The following DOCK5 variants were observed in gnomAD, a reference collection of about 807,000 sequenced individuals.
DOCK5 encodes dedicator of cytokinesis 5.
Under a neutral mutation model 251.8 loss-of-function variants are expected in DOCK5, and 142 were observed. The observed-to-expected ratio is 0.56, with a 90% CI of 0.49 to 0.65. DOCK5 has a LOEUF of 0.65. DOCK5 is among the 30% of genes least tolerant of loss of function. The pLI, the probability that DOCK5 is intolerant of heterozygous loss-of-function variation, is 0.00. For missense variants in DOCK5, 2,111 were observed against 2,312.3 expected (o/e 0.91, Z 1.79); for synonymous variants, 842 against 835.5 (o/e 1.01, Z -0.13).
intron 13 of DOCK5, among the ~76,000 whole-genome samples, chr8:25,313,825 G>T (rs939645713): frequency 1.3e-5 from 2 of 152,138 alleles, no homozygotes; most frequent in Non-Finnish European, 2.9e-5. Context: ...CCACCTATAT[G>T]ACCTCATTTT....
intron 1 of DOCK5, among the ~76,000 whole-genome samples, chr8:25,194,107 G>A (rs1219775112): frequency 1.4e-5 from 2 of 140,070 alleles, no homozygotes; most frequent in Admixed American, 7.7e-5. Flanking sequence ...CCAACATGGC[G>A]AAACCCTATC....
chr8:25,287,405 G>A (rs1443607627), intron 5 of DOCK5, among the ~76,000 whole-genome samples: 1 of 152,008 alleles, frequency 6.6e-6, no homozygotes, highest in East Asian at 1.9e-4. Flanking sequence ...CAGCTTGGGT[G>A]ACAGAGCGAG....
intron 40 of DOCK5, among the ~76,000 whole-genome samples, chr8:25,388,270 T>C (rs1246665335): frequency 3.9e-5 from 6 of 152,178 alleles, no homozygotes; most frequent in Non-Finnish European, 5.9e-5. Context: ...GGACAAGTGA[T>C]TTTGAAAGAC....
At chr8:25,403,152 A>G (rs1563232577) in intron 47 of DOCK5, among the ~76,000 whole-genome samples, 1 of 152,192 alleles carries the variant, frequency 6.6e-6, no homozygotes, top group Non-Finnish European at 1.5e-5. Flanking sequence ...CTGCATGTCT[A>G]CAGTGTCAAT....
rs565389135 is a variant in DOCK5, at chr8:25,412,959, A to T, written c.*1661A>T. The T allele has an allele frequency of 6.6e-6, 1 of 152,150 alleles. No homozygotes were observed. Among genetic ancestry groups the T allele is most frequent in the Non-Finnish European group, 1.5e-5 (1 of 68,028 alleles). 9.4% of individuals were successfully genotyped at this position (152,150 alleles called of 1,614,324 possible). A position where few individuals can be genotyped will look rare whatever the true frequency, so the allele number is the denominator to read the frequency against. The stretch of plus-strand genomic sequence containing the variant: ...GTGGAAAAGGTGATCCTTTACCCCC[A>T]CCCAGGAAAACCTGCATTGTGCTAG... On this transcript the variant is annotated 3_prime_UTR_variant, in exon 52 of 52. Transcript: ENST00000276440.
Position 25,319,487 on chromosome 8 carries a change from T to G in DOCK5, c.1444-91T>G, listed in dbSNP as rs1805361807. ...CAGTGTAGGGCATGTGTGGACGTGT[T>G]TGGGGGTGAGGGGCTTGTGCATGGT... On this transcript the variant is annotated intron_variant, in intron 14 of 51. Coordinates refer to ENST00000276440, the MANE Select transcript of DOCK5 (RefSeq NM_024940.8). The G allele has an allele frequency of 5.0e-6, 4 of 794,616 alleles. No homozygotes were observed. The Admixed American group carries it at 8.9e-5, about 18-fold the overall frequency. 49.2% of individuals were successfully genotyped at this position (794,616 alleles called of 1,614,324 possible).
intron 2 of DOCK5, among the ~76,000 whole-genome samples, chr8:25,249,995 G>A (rs908335874): frequency 6.6e-6 from 1 of 152,202 alleles, no homozygotes; most frequent in African/African-American, 2.4e-5. Context: ...TCGTTTAGAT[G>A]TTTCAGCTAC....
At chr8:25,220,982 AG>A (rs1242960012) in intron 1 of DOCK5, among the ~76,000 whole-genome samples, 1 of 150,872 alleles carries the variant, frequency 6.6e-6, no homozygotes, top group East Asian at 2.0e-4. Context: ...GGACCTGTGG[AG>A]GGGGTGGGTA....
chr8:25,347,623 A>G (rs1300282103), intron 26 of DOCK5, among the ~76,000 whole-genome samples: 1 of 152,234 alleles, frequency 6.6e-6, no homozygotes, highest in Non-Finnish European at 1.5e-5. Context: ...TTTGGCAGCA[A>G]TGTACCTGGC....
intron 30 of DOCK5, among the ~76,000 whole-genome samples, chr8:25,365,982 T>C (rs1171914375): frequency 6.6e-6 from 1 of 152,238 alleles, no homozygotes; most frequent in Non-Finnish European, 1.5e-5. Flanking sequence ...GTGCAGTTCT[T>C]TGGTACTCTG....
intron 20 of DOCK5, 95 bp downstream of exon 20, chr8:25,332,787 C>T: frequency 1.1e-6 from 1 of 923,364 alleles, no homozygotes. Context: ...TATCTTCTCA[C>T]ATAAATATTT....
rs750741768 is a variant in DOCK5 at position 25,391,989 on chromosome 8, AC to A, written c.4440+13del. Reference sequence around the variant, plus strand: ...CAGACAATGAATTTGCTGTGAGTTCACCCCTTTTGTCCTTTAAGAGGTAAAA... The same window carrying A: ...CAGACAATGAATTTGCTGTGAGTTCACCCTTTTGTCCTTTAAGAGGTAAAA... On this transcript the variant is annotated intron_variant, in intron 43 of 51. Coordinates refer to ENST00000276440, the MANE Select transcript of DOCK5 (RefSeq NM_024940.8). The A allele has an allele frequency of 5.6e-6, 9 of 1,612,692 alleles. No homozygotes were observed. The African/African-American group carries it at 1.2e-4, about 22-fold the overall frequency.
chr8:25,232,494 G>T (rs188058695), intron 1 of DOCK5, among the ~76,000 whole-genome samples: 1 of 152,234 alleles, frequency 6.6e-6, no homozygotes, highest in Admixed American at 6.5e-5. Context: ...CACAGTTTTG[G>T]CAGCTCAAAG....
At chr8:25,243,437 T>C (rs1803009103) in intron 1 of DOCK5, among the ~76,000 whole-genome samples, 1 of 151,784 alleles carries the variant, frequency 6.6e-6, no homozygotes, top group Non-Finnish European at 1.5e-5. Context: ...TTCAAGCAGT[T>C]CTCCTGCCTC....
chr8:25,305,208 AAACC>A (rs1804873321), intron 11 of DOCK5: 1 of 152,146 alleles, frequency 6.6e-6, no homozygotes, highest in Non-Finnish European at 1.5e-5. Flanking sequence ...AGAATTCCAC[AAACC>A]AGCCAGAGTC....
chr8:25,382,728 G>A lies in DOCK5; in HGVS notation c.4081G>A (p.Glu1361Lys). 1 of 1,613,628 alleles carries A rather than the reference G, an allele frequency of 6.2e-7. No homozygotes were observed. Among genetic ancestry groups the A allele is most frequent in the Non-Finnish European group, 8.5e-7 (1 of 1,179,766 alleles). The change falls in exon 40 of 52, where the codon GAA becomes AAA. Residue 1361 changes from glutamate (E) to lysine (K), a missense_variant. This residue lies in a region of DOCK5 where 1,717 missense variants were observed against 1,892.4 expected (regional missense o/e 0.91). Coordinates refer to ENST00000276440, the MANE Select transcript of DOCK5 (RefSeq NM_024940.8). ...NIIKAMRPQP[E>K]YFAVGYYGQG... The stretch of plus-strand genomic sequence containing the variant: ...CATTAAGGCAATGAGGCCTCAGCCT[G>A]AATACTTTGCTGTTGGATACTATGG...
At chr8:25,354,053 CAAAAAA>C (rs869141192) in intron 27 of DOCK5, among the ~76,000 whole-genome samples, 2 of 23,882 alleles carry the variant, frequency 8.4e-5, no homozygotes, top group East Asian at 7.3e-4. Context: ...AAAAAACAAA[CAAAAAA>C]AAAAACGTAG....
chr8:25,376,531 C>T (rs1397992411), intron 37 of DOCK5: 26 of 310,196 alleles, frequency 8.4e-5, no homozygotes, highest in Non-Finnish European at 2.8e-5. Context: ...CTTGATTGCT[C>T]TTCTTTTTCA....
chr8:25,324,027 G>A, intron 17 of DOCK5, 76 bp downstream of exon 17: 1 of 1,425,504 alleles, frequency 7.0e-7, no homozygotes, highest in Non-Finnish European at 9.4e-7. Context: ...ATATTTATTT[G>A]TACAAACATC....
Sources: gnomAD v4.1 joint callset for allele counts (sites outside exome capture counted in the v4.1 genomes callset) on GRCh38, gnomAD v4.1.1 for gene constraint, gnomAD v4.1.1 regional missense constraint, MANE v1.5 for transcripts, NCBI Gene and HGNC (gene_info 2026-07-23, HGNC 2026-07-21) for gene names.